Variants in ADAM10 observed in about 807,000 individuals in gnomAD.
The protein encoded by ADAM10 is disintegrin and metalloproteinase domain-containing protein 10.
A neutral mutation model predicts 90.1 loss-of-function variants in ADAM10; 17 were observed. That is an observed-to-expected ratio of 0.19 (90% CI 0.13 to 0.28). The LOEUF (loss-of-function observed/expected upper bound fraction) is 0.28. Ranked by LOEUF, ADAM10 falls within the 10% of genes least tolerant of loss-of-function variation. The pLI, the probability that ADAM10 is intolerant of heterozygous loss-of-function variation, is 1.00. For synonymous variants in ADAM10, 310 were observed against 298.6 expected, an observed-to-expected ratio of 1.04 and a Z score of -0.40; for missense variants, 610 against 914.3, an observed-to-expected ratio of 0.67 and a Z score of 4.29.
intron 8 of ADAM10, among the ~76,000 whole-genome samples, chr15:58,635,877 G>A (rs1419585947): frequency 6.6e-6 from 1 of 151,848 alleles, no homozygotes; most frequent in Admixed American, 6.6e-5. Context: ...TAATTTAAGA[G>A]AAGAGTATAC....
intron 2 of ADAM10, among the ~76,000 whole-genome samples, chr15:58,707,638 T>G (rs1234580985): frequency 6.6e-6 from 1 of 152,198 alleles, no homozygotes; most frequent in East Asian, 1.9e-4. Context: ...CATGATGGCA[T>G]AATTACAGAA....
intron 1 of ADAM10, chr15:58,748,767 C>A (rs1217720683): frequency 5.0e-6 from 2 of 396,374 alleles, no homozygotes; most frequent in African/African-American, 2.1e-5. Context: ...CCCTGGGCGA[C>A]AGAATGTTTT....
intron 8 of ADAM10, among the ~76,000 whole-genome samples, chr15:58,636,833 C>A (rs1427795939): frequency 6.6e-6 from 1 of 152,136 alleles, no homozygotes; most frequent in Non-Finnish European, 1.5e-5. Context: ...TAGTAGCATG[C>A]TGATCATACA....
intron 2 of ADAM10, among the ~76,000 whole-genome samples, chr15:58,685,479 A>G: frequency 8.2e-6 from 1 of 121,280 alleles, no homozygotes; most frequent in Admixed American, 8.3e-5. Context: ...ATAAATAAAT[A>G]AATAAATAAG....
At chr15:58,615,182 G>A (rs1479474645) in intron 11 of ADAM10, among the ~76,000 whole-genome samples, 1 of 150,778 alleles carries the variant, frequency 6.6e-6, no homozygotes, top group Non-Finnish European at 1.5e-5. Context: ...CCTGAGGCAG[G>A]AGAATGGCGT....
chr15:58,610,961 A>G, intron 13 of ADAM10, 38 bp downstream of exon 13: 1 of 1,492,146 alleles, frequency 6.7e-7, no homozygotes. Flanking sequence ...TAATAGTTTG[A>G]GGCAAATTTT....
chr15:58,610,653 A>G, intron 13 of ADAM10, 136 bp from the exon 14 acceptor site: 1 of 861,776 alleles, frequency 1.2e-6, no homozygotes, highest in Non-Finnish European at 1.9e-6. Context: ...GACCTTCTCT[A>G]GTTAGGCTGG....
rs148403371 is a variant in ADAM10, at chr15:58,749,666, G to A, written c.-132C>T. Reference sequence around the variant, plus strand: ...CGGGACCTCCCCTGGCAGGAGAAACGGCGAAGCACCTCCCTCTCGCTCCAC... The same window carrying A: ...CGGGACCTCCCCTGGCAGGAGAAACAGCGAAGCACCTCCCTCTCGCTCCAC... On this transcript the variant is annotated 5_prime_UTR_variant, in exon 1 of 16. Transcript: ENST00000260408. The A allele has an allele frequency of 3.4e-6, 5 of 1,476,778 alleles. No homozygotes were observed. Among genetic ancestry groups the A allele is most frequent in the Non-Finnish European group, 4.5e-6 (5 of 1,102,816 alleles). The allele number at this position is 1,476,778 out of a possible 1,614,324, so 91.5% of individuals were successfully genotyped here. A position where few individuals can be genotyped will look rare whatever the true frequency, so the allele number is the denominator to read the frequency against.
At chr15:58,688,936 C>T (rs1897693181) in intron 2 of ADAM10, among the ~76,000 whole-genome samples, 1 of 146,298 alleles carries the variant, frequency 6.8e-6, no homozygotes, top group Middle Eastern at 3.3e-3. Flanking sequence ...GCCTCAGTAA[C>T]CTATCAAACA....
At chr15:58,748,872 C>T (rs1238712405) in intron 1 of ADAM10, 2 of 399,228 alleles carry the variant, frequency 5.0e-6, no homozygotes, top group Non-Finnish European at 8.8e-6. Context: ...GTGATGACTG[C>T]TGCCACTCCA....
intron 2 of ADAM10, among the ~76,000 whole-genome samples, chr15:58,689,459 G>A (rs949412614): frequency 5.9e-5 from 9 of 152,072 alleles, no homozygotes; most frequent in African/African-American, 1.7e-4. Flanking sequence ...GCACTCCAAC[G>A]TGGGCCACAG....
chr15:58,734,863 T>C (rs533838809), intron 1 of ADAM10, among the ~76,000 whole-genome samples: 1 of 152,202 alleles, frequency 6.6e-6, no homozygotes, highest in South Asian at 2.1e-4. Flanking sequence ...AATATACATA[T>C]ACATATACCC....
chr15:58,679,734 G>A (rs1164702482), intron 3 of ADAM10, among the ~76,000 whole-genome samples: 4 of 152,010 alleles, frequency 2.6e-5, no homozygotes, highest in African/African-American at 9.7e-5. Context: ...GCGAAACCCT[G>A]TCTCTACTAA....
At chr15:58,747,767 G>C (rs1314341474) in intron 1 of ADAM10, 1 of 152,084 alleles carries the variant, frequency 6.6e-6, no homozygotes. Flanking sequence ...TTTTGTATAA[G>C]AGTTTTAACC....
intron 13 of ADAM10, 45 bp downstream of exon 13, chr15:58,610,954 T>C (rs370210608): frequency 3.5e-6 from 5 of 1,431,560 alleles, no homozygotes; most frequent in African/African-American, 1.4e-5. Context: ...GAGAAAATAA[T>C]AGTTTGAGGC....
intron 10 of ADAM10, 122 bp from the exon 11 acceptor site, chr15:58,621,743 A>G: frequency 1.6e-6 from 2 of 1,225,740 alleles, no homozygotes; most frequent in Non-Finnish European, 2.3e-6. Flanking sequence ...AATAAGTAGA[A>G]CAAACTAGGA....
intron 1 of ADAM10, among the ~76,000 whole-genome samples, chr15:58,719,820 T>C (rs1363647432): frequency 6.6e-6 from 1 of 152,172 alleles, no homozygotes; most frequent in Non-Finnish European, 1.5e-5. Flanking sequence ...CTCCTGTCCA[T>C]AAAATGAAGA....
chr15:58,665,140 C>T lies in ADAM10; in HGVS notation c.542G>A (p.Arg181Lys). 2 of 1,613,462 alleles carry T rather than the reference C, an allele frequency of 1.2e-6. No individual in the cohort carries two copies. Among genetic ancestry groups the T allele is most frequent in the Non-Finnish European group, 1.7e-6 (2 of 1,179,504 alleles). The change falls in exon 5 of 16, where the codon AGA becomes AAA. Residue 181 changes from arginine to lysine, a missense_variant. By Grantham distance (26) the Arg-to-Lys change is conservative (BLOSUM62 2). Around this residue, in one of 4 missense-constraint regions of ADAM10, gnomAD observed 310 missense variants for 362.4 expected, o/e 0.86. Coordinates refer to ENST00000260408, the MANE Select transcript of ADAM10 (RefSeq NM_001110.4). ...ACCAGTCATCTGGTATTTCCTCATT[C>T]TTTCAAATACTGAATGATCTGCACA... ...GGCADHSVFERMRKYQMTGVE... is the reference protein window; with the variant it reads ...GGCADHSVFEKMRKYQMTGVE...
intron 14 of ADAM10, among the ~76,000 whole-genome samples, chr15:58,605,834 G>A (rs1034797590): frequency 6.6e-6 from 1 of 151,998 alleles, no homozygotes; most frequent in South Asian, 2.1e-4. Flanking sequence ...CAATAATAAA[G>A]TAAAAAGTCA....
Sources: gnomAD v4.1 joint callset for allele counts (sites outside exome capture counted in the v4.1 genomes callset) on GRCh38, gnomAD v4.1.1 for gene constraint, gnomAD v4.1.1 regional missense constraint, MANE v1.5 for transcripts, NCBI Gene and HGNC (gene_info 2026-07-23, HGNC 2026-07-21) for gene names.